The following NCF2 variants were observed in gnomAD, a reference collection of about 807,000 sequenced individuals.
NCF2 encodes neutrophil cytosolic factor 2.
A neutral mutation model predicts 70.9 loss-of-function variants in NCF2; 45 were observed. The ratio of observed to expected loss-of-function variants is 0.63; its 90% CI spans 0.50 to 0.81. The LOEUF (loss-of-function observed/expected upper bound fraction) is 0.81, where lower values mean the gene tolerates loss of function less well. NCF2 is among the 40% of genes least tolerant of loss of function. The pLI, the probability that NCF2 is intolerant of heterozygous loss-of-function variation, is 0.00. For missense variants in NCF2, 522 were observed against 631.6 expected, an observed-to-expected ratio of 0.83 and a Z score of 1.86; for synonymous variants, 203 against 233.6, an observed-to-expected ratio of 0.87 and a Z score of 1.19.
intron 14 of NCF2, among the ~76,000 whole-genome samples, chr1:183,559,573 C>T (rs1300715482): frequency 4.6e-5 from 7 of 152,050 alleles, no homozygotes; most frequent in African/African-American, 1.2e-4. Flanking sequence ...AGATGTTTAT[C>T]GCCGGCCAGG....
chr1:183,593,468 T>A (rs3754516), upstream of NCF2, among the ~76,000 whole-genome samples: 1 of 151,824 alleles, frequency 6.6e-6, no homozygotes, highest in Non-Finnish European at 1.5e-5. Context: ...TGCCCTGTGC[T>A]CATTCCAGGT....
rs369920638 is a variant in NCF2 at position 183,564,650 on chromosome 1, T to A, written c.1001-620A>T. ...CCCGAGCCCCATTCCAGTCCTAAAA[T>A]ATCAGAGCCAGTAGCCTAGGACTCT... On this transcript the variant is annotated intron_variant, in intron 10 of 14. Transcript: ENST00000367535. Among the ~76,000 whole-genome samples, 134 of 152,236 alleles carry A rather than the reference T, an allele frequency of 8.8e-4. 2 individuals carry two copies. In the East Asian group the frequency reaches 0.019, roughly 21 times the overall value.
rs762630439 is a variant in NCF2, at chr1:183,569,184, GCCT to G, written c.670-2_670del. 1 of 1,614,062 alleles carries G rather than the reference GCCT, an allele frequency of 6.2e-7. No individual in the cohort carries two copies. Among genetic ancestry groups the G allele is most frequent in the Non-Finnish European group, 8.5e-7 (1 of 1,179,928 alleles). ...TTTCGGTCTGGGTGGAGGCTCAGCT[GCCT>G]ATTGAACATTCAGGAGAAGTGAAAA... On this transcript the variant is annotated splice_acceptor_variant and coding_sequence_variant, in exon 7 of 15. Transcript: ENST00000367535. LOFTEE classifies it high-confidence loss of function.
intron 2 of NCF2, among the ~76,000 whole-genome samples, chr1:183,578,306 C>A (rs554859199): frequency 6.6e-6 from 1 of 151,872 alleles, no homozygotes; most frequent in African/African-American, 2.4e-5. Flanking sequence ...CCTCCCTACA[C>A]TTTGGAAAAG....
intron 4 of NCF2, among the ~76,000 whole-genome samples, chr1:183,573,859 G>T (rs1672678162): frequency 6.6e-6 from 1 of 152,248 alleles, no homozygotes; most frequent in African/African-American, 2.4e-5. Context: ...GGAGGCCAAG[G>T]AGGGCAGATC....
intron 2 of NCF2, among the ~76,000 whole-genome samples, chr1:183,578,826 G>A (rs1286528795): frequency 2.6e-5 from 4 of 152,232 alleles, no homozygotes; most frequent in Admixed American, 6.5e-5. Context: ...GTGGGACCTG[G>A]ACACACACTT....
chr1:183,593,284 C>T (rs564928576), upstream of NCF2, among the ~76,000 whole-genome samples: 5 of 152,182 alleles, frequency 3.3e-5, no homozygotes, highest in Non-Finnish European at 7.3e-5. Context: ...CTATCAACTC[C>T]CAGGTGAACA....
the NCF2 span, among the ~76,000 whole-genome samples, chr1:183,597,069 T>C: frequency 1.3e-5 from 2 of 152,224 alleles, no homozygotes; most frequent in African/African-American, 4.8e-5. Context: ...TTAATAAATA[T>C]GTGCTGATCT....
chr1:183,590,572 C>CAG (rs768809741), upstream of NCF2: 48 of 572,064 alleles, frequency 8.4e-5, no homozygotes, highest in East Asian at 7.5e-4. Flanking sequence ...AGGAAAGAAG[C>CAG]AGAGAGAGAG....
intron 7 of NCF2, among the ~76,000 whole-genome samples, chr1:183,567,767 G>A (rs559997304): frequency 6.6e-6 from 1 of 152,268 alleles, no homozygotes; most frequent in East Asian, 1.9e-4. Context: ...AAAGATTGGT[G>A]GGAGAGGAGG....
At chr1:183,557,358 C>T (rs1671837343) in intron 14 of NCF2, among the ~76,000 whole-genome samples, 1 of 152,140 alleles carries the variant, frequency 6.6e-6, no homozygotes, top group Non-Finnish European at 1.5e-5. Context: ...TCAAAAGTTC[C>T]CTTAGGTAAT....
At chr1:183,560,599 C>T (rs1054563984) in intron 13 of NCF2, among the ~76,000 whole-genome samples, 3 of 152,132 alleles carry the variant, frequency 2.0e-5, no homozygotes, top group South Asian at 2.1e-4. Flanking sequence ...AAAGAGCATG[C>T]GACCTAGATC....
In NCF2 at chr1:183,587,186, C is replaced by T. The variant is rs35997828; in HGVS notation, c.175-209G>A. 0.01 allele frequency among the ~76,000 whole-genome samples: 1,586 copies of T among 152,330 alleles called. 26 individuals carry two copies. Among genetic ancestry groups the T allele is most frequent in the African/African-American group, 0.036 (1,505 of 41,574 alleles). On this transcript the variant is annotated intron_variant, in intron 1 of 14. Transcript: ENST00000367535. ...GAAGTCTGGGACAATGGTGTGCATT[C>T]CTTGTATTGTCATTCCAGTTCTGCT...
intron 2 of NCF2, among the ~76,000 whole-genome samples, chr1:183,578,877 AGGCCCT>A (rs1346015024): frequency 6.6e-6 from 1 of 152,240 alleles, no homozygotes; most frequent in Non-Finnish European, 1.5e-5. Context: ...GGCTCCACAG[AGGCCCT>A]GGTGGGAGGG....
chr1:183,566,567 T>A (rs976734139), intron 9 of NCF2, among the ~76,000 whole-genome samples: 5 of 152,206 alleles, frequency 3.3e-5, no homozygotes, highest in Non-Finnish European at 7.3e-5. Flanking sequence ...AATGGCATTG[T>A]ACCAGCCAAC....
the NCF2 span, among the ~76,000 whole-genome samples, chr1:183,600,071 G>C: frequency 6.6e-6 from 1 of 152,186 alleles, no homozygotes; most frequent in Non-Finnish European, 1.5e-5. Flanking sequence ...AGTTTGGAGA[G>C]AGAGTATCAA....
chr1:183,597,008 A>G, the NCF2 span, among the ~76,000 whole-genome samples: 1 of 152,194 alleles, frequency 6.6e-6, no homozygotes, highest in African/African-American at 2.4e-5. Context: ...CAGGCTTTCT[A>G]TTTCTTTACA....
chr1:183,580,860 T>G (rs1281930907), intron 2 of NCF2, among the ~76,000 whole-genome samples: 3 of 151,952 alleles, frequency 2.0e-5, no homozygotes, highest in Non-Finnish European at 4.4e-5. Context: ...GTGCCTATAG[T>G]TCCAGCTACT....
chr1:183,563,984 A>T (rs758694959), intron 11 of NCF2, 21 bp downstream of exon 11: 1 of 1,598,288 alleles, frequency 6.3e-7, no homozygotes, highest in Non-Finnish European at 8.6e-7. Context: ...CACTTGAAAC[A>T]GTATGAGGGA....
Sources: allele counts gnomAD v4.1 joint callset (sites outside exome capture counted in the v4.1 genomes callset), GRCh38; gene constraint gnomAD v4.1.1; transcripts MANE v1.5; gene names NCBI Gene and HGNC (gene_info 2026-07-23, HGNC 2026-07-21).